Variants in ZBTB10 observed in about 807,000 individuals in gnomAD.
ZBTB10 encodes the protein zinc finger and BTB domain containing 10, also known as zinc finger and BTB domain-containing protein 10.
A neutral mutation model predicts 76.4 loss-of-function variants in ZBTB10; 32 were observed. The observed-to-expected ratio is 0.42, with a 90% CI of 0.32 to 0.56. The LOEUF (loss-of-function observed/expected upper bound fraction) is 0.56, where lower values mean the gene tolerates loss of function less well. ZBTB10 is among the 20% of genes least tolerant of loss of function. The probability of loss-of-function intolerance (pLI) is 0.14; values close to 1 mark genes in which losing one functional copy is unlikely to be tolerated. For synonymous variants in ZBTB10, 523 were observed against 432.9 expected, an observed-to-expected ratio of 1.21 and a Z score of -2.58; for missense variants, 1,057 against 1,098.5, an observed-to-expected ratio of 0.96 and a Z score of 0.53.
In ZBTB10 at chr8:80,507,789, CAG is replaced by C. The variant is rs1361213070; in HGVS notation, c.1862-6120_1862-6119del. ...TTTTTTTAGATTTTTAAAATAGAGACAGGGTCTCGTTATGTTGCCCACACTGG... is the reference window on the plus strand; with the variant it reads ...TTTTTTTAGATTTTTAAAATAGAGACGGTCTCGTTATGTTGCCCACACTGG... On this transcript the variant is annotated intron_variant, in intron 2 of 5. Transcript: ENST00000455036. Among the ~76,000 whole-genome samples, 5 of 152,170 alleles carry C rather than the reference CAG, an allele frequency of 3.3e-5. No individual in the cohort carries two copies. In the East Asian group the frequency reaches 7.8e-4, roughly 24 times the overall value.
intron 1 of ZBTB10, among the ~76,000 whole-genome samples, chr8:80,491,054 AG>A (rs1233479848): frequency 6.6e-6 from 1 of 152,180 alleles, no homozygotes; most frequent in Non-Finnish European, 1.5e-5. Flanking sequence ...GTGTAGCCTA[AG>A]TGTACGGTGC....
At chr8:80,519,062 A>G in intron 5 of ZBTB10, 108 bp downstream of exon 5, 1 of 1,426,666 alleles carries the variant, frequency 7.0e-7, no homozygotes, top group Non-Finnish European at 9.3e-7. Flanking sequence ...ATTGTCTCCT[A>G]AATTGCTTTA....
intron 2 of ZBTB10, among the ~76,000 whole-genome samples, chr8:80,513,286 G>A (rs1816245318): frequency 6.6e-6 from 1 of 152,122 alleles, no homozygotes; most frequent in Admixed American, 6.5e-5. Context: ...GGGACTACAG[G>A]TGTGTGCCAC....
At chr8:80,485,706 A>G (rs945622864), upstream of ZBTB10, 2 of 1,367,908 alleles carry the variant, frequency 1.5e-6, no homozygotes, top group Non-Finnish European at 2.0e-6. Context: ...CTTCGCGTGA[A>G]AGGCACCGCC....
intron 1 of ZBTB10, among the ~76,000 whole-genome samples, chr8:80,499,018 C>T (rs542965554): frequency 6.6e-6 from 1 of 152,118 alleles, no homozygotes; most frequent in Non-Finnish European, 1.5e-5. Context: ...TAATGTTTGC[C>T]AAGACTTAAA....
Position 80,500,097 on chromosome 8 carries a change from G to A in ZBTB10, c.1576G>A (p.Gly526Ser), listed in dbSNP as rs543566367. The stretch of plus-strand genomic sequence containing the variant: ...AAATGATGGTTGTAATGTCGACGAG[G>A]GCCAAATAGAAAACTACCAAATGAA... The part of the protein sequence containing the change: ...IENDGCNVDE[G>S]QIENYQMNDS... Residue 526 changes from glycine to serine, a missense_variant, in exon 2 of 6, where the codon GGC (glycine) becomes AGC (serine). Around this residue, in one of 5 missense-constraint regions of ZBTB10, gnomAD observed 306 missense variants for 297.5 expected, o/e 1.03. Transcript: ENST00000455036. 2 of 1,613,866 alleles carry A rather than the reference G, an allele frequency of 1.2e-6. No homozygotes were observed. Among genetic ancestry groups the A allele is most frequent in the East Asian group, 2.2e-5 (1 of 44,884 alleles).
chr8:80,503,317 T>TA (rs773006155), intron 2 of ZBTB10, among the ~76,000 whole-genome samples: 1 of 152,168 alleles, frequency 6.6e-6, no homozygotes, highest in Non-Finnish European at 1.5e-5. Context: ...CGGTGCTGTG[T>TA]ACTTTCTACC....
Position 80,499,712 on chromosome 8 carries a change from CAAAG to C in ZBTB10, c.1196_1199del (p.Glu399AlafsTer10). 6.2e-7 allele frequency: 1 copy of C among 1,613,866 alleles called. No homozygotes were observed. Among genetic ancestry groups the C allele is most frequent in the Non-Finnish European group, 8.5e-7 (1 of 1,179,840 alleles). On this transcript the variant is annotated frameshift_variant, in exon 2 of 6. Transcript: ENST00000455036. LOFTEE classifies it high-confidence loss of function. ...TTAAGACTTTATATTGCTTTTCAAA[CAAAG>C]AAAGCCCTAACCAAAACAATACTAC...
In ZBTB10 at chr8:80,487,051, G is replaced by T. The variant is rs774915323; in HGVS notation, c.241G>T (p.Ala81Ser). 3.3e-6 allele frequency: 5 copies of T among 1,516,656 alleles called. No homozygotes were observed. The South Asian group carries it at 3.6e-5, about 11-fold the overall frequency. The allele number at this position is 1,516,656 out of a possible 1,614,324, so 93.9% of individuals were successfully genotyped here. The change falls in exon 1 of 6, where the codon GCC (alanine) becomes TCC (serine). Residue 81 changes from alanine to serine, a missense_variant. Physicochemically the swap from Ala to Ser is moderately conservative, Grantham distance 99. Transcript: ENST00000455036. ...GLEPQDLEAS[A>S]GPAAGAAEEA... is the part of the protein sequence containing the mutation. ...GGAGCCCCAAGACCTGGAGGCCTCC[G>T]CCGGGCCGGCCGCCGGCGCCGCCGA...
chr8:80,507,442 C>G (rs564210694), intron 2 of ZBTB10, among the ~76,000 whole-genome samples: 12 of 152,168 alleles, frequency 7.9e-5, no homozygotes, highest in Non-Finnish European at 1.0e-4. Context: ...GAAACCCCGT[C>G]TCTACTAAAA....
chr8:80,486,360 GT>G lies in ZBTB10; in HGVS notation c.-450del. 1.0e-6 allele frequency: 1 copy of G among 990,636 alleles called. No homozygotes were observed. The highest frequency in any genetic ancestry group is 1.2e-6 in the Non-Finnish European group (1 of 834,050). The allele number at this position is 990,636 out of a possible 1,614,324, so 61.4% of individuals were successfully genotyped here. A position where few individuals can be genotyped will look rare whatever the true frequency, so the allele number is the denominator to read the frequency against. The stretch of plus-strand genomic sequence containing the variant: ...CAGCGCCTGCGAAGCCGGCGGCGGC[GT>G]CGGGACTCCTCGGCGCGCGGAGGAA... On this transcript the variant is annotated 5_prime_UTR_variant, in exon 1 of 6. Coordinates refer to ENST00000455036, the MANE Select transcript of ZBTB10 (RefSeq NM_001105539.3).
intron 1 of ZBTB10, among the ~76,000 whole-genome samples, chr8:80,493,395 G>A (rs1204490061): frequency 2.0e-5 from 3 of 152,142 alleles, no homozygotes; most frequent in Non-Finnish European, 4.4e-5. Context: ...TAACAAATGG[G>A]CAACAATAGC....
chr8:80,515,741 A>G (rs1816311145), intron 3 of ZBTB10, among the ~76,000 whole-genome samples: 1 of 152,184 alleles, frequency 6.6e-6, no homozygotes. Context: ...CCTTTGCTTG[A>G]TGATTTTGAT....
In ZBTB10 at chr8:80,522,950, T is replaced by C. The variant is rs1008577981; in HGVS notation, c.*3422T>C. 6.6e-6 allele frequency: 1 copy of C among 151,898 alleles called. No homozygotes were observed. The highest frequency in any genetic ancestry group is 2.4e-5 in the African/African-American group (1 of 41,412). The allele number at this position is 151,898 out of a possible 1,614,324, so 9.4% of individuals were successfully genotyped here. ...CTTAATTTTTAAAACTTTAGTAAGC[T>C]TTATTTATATTTTTTAGGATTTTCT... On this transcript the variant is annotated 3_prime_UTR_variant, in exon 6 of 6. Transcript: ENST00000455036.
chr8:80,490,582 T>C (rs1464395137), intron 1 of ZBTB10, among the ~76,000 whole-genome samples: 1 of 152,170 alleles, frequency 6.6e-6, no homozygotes, highest in Non-Finnish European at 1.5e-5. Context: ...TTTTTATACC[T>C]TCAGAGACTT....
chr8:80,493,532 A>G (rs1010426566), intron 1 of ZBTB10, among the ~76,000 whole-genome samples: 2 of 151,808 alleles, frequency 1.3e-5, no homozygotes, highest in African/African-American at 4.8e-5. Flanking sequence ...AATAACCTGA[A>G]TAGGCCGGGC....
chr8:80,514,137 G>A, intron 3 of ZBTB10, 129 bp downstream of exon 3: 1 of 765,174 alleles, frequency 1.3e-6, no homozygotes, highest in Admixed American at 2.6e-5. Flanking sequence ...ATCTATGGTA[G>A]CTATGTTTAT....
chr8:80,507,853 G>C (rs916112970), intron 2 of ZBTB10, among the ~76,000 whole-genome samples: 2 of 152,166 alleles, frequency 1.3e-5, no homozygotes, highest in African/African-American at 4.8e-5. Context: ...TCCTGCCTCA[G>C]CCTCCCAGAG....
At chr8:80,486,015 C>G, upstream of ZBTB10, 1 of 1,065,492 alleles carries the variant, frequency 9.4e-7, no homozygotes. Flanking sequence ...GCCTTTTGTC[C>G]CCAACCCCTC....
Sources: gnomAD v4.1 joint callset for allele counts (sites outside exome capture counted in the v4.1 genomes callset) on GRCh38, gnomAD v4.1.1 for gene constraint, gnomAD v4.1.1 regional missense constraint, MANE v1.5 for transcripts, NCBI Gene and HGNC (gene_info 2026-07-23, HGNC 2026-07-21) for gene names.